TRIM23: variants seen among roughly 807,000 people sequenced by gnomAD.
The protein encoded by TRIM23 is tripartite motif containing 23.
Under a neutral mutation model 71.0 loss-of-function variants are expected in TRIM23, and 27 were observed. The ratio of observed to expected loss-of-function variants is 0.38; its 90% confidence interval spans 0.28 to 0.52. The LOEUF is 0.52. Among genes scored for constraint, TRIM23 ranks in the 20% least tolerant of loss-of-function variants. The pLI is 0.84. For missense variants in TRIM23, 482 were observed against 692.3 expected (o/e 0.70, Z 3.41); for synonymous variants, 234 against 238.0 (o/e 0.98, Z 0.16).
intron 9 of TRIM23, among the ~76,000 whole-genome samples, chr5:65,594,922 C>A (rs1039863985): frequency 2.6e-5 from 4 of 152,176 alleles, no homozygotes; most frequent in African/African-American, 9.7e-5. Flanking sequence ...TATCAAATAA[C>A]TTTTTACATA....
At chr5:65,600,770 G>C (rs1754341437) in intron 7 of TRIM23, among the ~76,000 whole-genome samples, 1 of 152,010 alleles carries the variant, frequency 6.6e-6, no homozygotes, top group Non-Finnish European at 1.5e-5. Flanking sequence ...TTAATATCCA[G>C]AATATACAAA....
intron 7 of TRIM23, among the ~76,000 whole-genome samples, chr5:65,598,877 A>G (rs1200076038): frequency 6.6e-6 from 1 of 152,234 alleles, no homozygotes; most frequent in Non-Finnish European, 1.5e-5. Flanking sequence ...GCACGTAATC[A>G]TCTCAATAGT....
intron 1 of TRIM23, among the ~76,000 whole-genome samples, chr5:65,620,766 G>A (rs949103100): frequency 5.5e-5 from 7 of 126,924 alleles, no homozygotes; most frequent in African/African-American, 2.1e-4. Context: ...TTTAAAAAGG[G>A]GAAAGTTTCA....
At position 65,624,148 on chromosome 5, in the gene TRIM23, C is replaced by T. The variant is rs543769255; in HGVS notation, c.81+46G>A. On this transcript the variant is annotated intron_variant, in intron 1 of 10. Transcript: ENST00000231524. Reference sequence around the variant, plus strand: ...ATGCCGCCAGGTCTCCAGGATGAACCGAAGGGAGGCCGATGGTGGAGAATA... The same window carrying T: ...ATGCCGCCAGGTCTCCAGGATGAACTGAAGGGAGGCCGATGGTGGAGAATA... 3.7e-5 allele frequency: 59 copies of T among 1,612,056 alleles called. 1 individual carries two copies. In the South Asian group the frequency reaches 5.8e-4, roughly 16 times the overall value.
Position 65,591,632 on chromosome 5 carries a change from A to G in TRIM23, c.*137T>C, listed in dbSNP as rs2150617681. ...TTTAAAGCAAAGTACTGAATTCCCA[A>G]TCCAAGATTCCTTTATATATATATA... is the stretch of plus-strand genomic sequence containing the variant. On this transcript the variant is annotated 3_prime_UTR_variant, in exon 11 of 11. Transcript: ENST00000231524. 1 of 995,280 alleles carries G rather than the reference A, an allele frequency of 1.0e-6. No individual in the cohort carries two copies. Among genetic ancestry groups the G allele is most frequent in the Admixed American group, 4.8e-5 (1 of 20,724 alleles). 61.7% of individuals were successfully genotyped at this position (995,280 alleles called of 1,614,324 possible). A position where few individuals can be genotyped will look rare whatever the true frequency, so the allele number is the denominator to read the frequency against.
chr5:65,611,529 C>T (rs887443847), intron 4 of TRIM23, 74 bp downstream of exon 4: 4 of 1,505,316 alleles, frequency 2.7e-6, no homozygotes, highest in Non-Finnish European at 3.6e-6. Context: ...AATAAAGAAC[C>T]AGGTCAGTGA....
chr5:65,598,692 G>A (rs1357341332), intron 7 of TRIM23, among the ~76,000 whole-genome samples: 2 of 151,622 alleles, frequency 1.3e-5, no homozygotes, highest in Admixed American at 6.6e-5. Flanking sequence ...AGAATGCAGT[G>A]AGCCGAGATC....
At position 65,590,217 on chromosome 5, in the gene TRIM23, AT is replaced by A; in HGVS notation, c.*1551del. On this transcript the variant is annotated 3_prime_UTR_variant, in exon 11 of 11. Transcript: ENST00000231524. ...AACACCTTTTTTATTTTTCACAGTT[AT>A]TGAAATCAGTCAAATATTAAATAAT... The A allele has an allele frequency of 1.1e-6, 1 of 919,254 alleles. No homozygotes were observed. Among genetic ancestry groups the A allele is most frequent in the Non-Finnish European group, 1.7e-6 (1 of 593,590 alleles). 56.9% of individuals were successfully genotyped at this position (919,254 alleles called of 1,614,324 possible). A position where few individuals can be genotyped will look rare whatever the true frequency, so the allele number is the denominator to read the frequency against.
At chr5:65,614,305 T>C (rs1754727746) in intron 2 of TRIM23, 86 bp from the exon 3 acceptor site, 2 of 1,242,474 alleles carry the variant, frequency 1.6e-6, no homozygotes, top group Middle Eastern at 2.0e-4. Flanking sequence ...ATTTCTAATA[T>C]AGTTCAGTAG....
intron 7 of TRIM23, among the ~76,000 whole-genome samples, chr5:65,598,988 A>G (rs1158721433): frequency 1.3e-5 from 2 of 152,228 alleles, no homozygotes; most frequent in East Asian, 3.8e-4. Context: ...TACACCATAT[A>G]AGAAATGCCC....
At chr5:65,609,595 T>C in intron 5 of TRIM23, 137 bp from the exon 6 acceptor site, 3 of 879,638 alleles carry the variant, frequency 3.4e-6, no homozygotes, top group Non-Finnish European at 5.1e-6. Context: ...CCAGCCGTGG[T>C]GGCATGTGCC....
At chr5:65,599,154 G>A in intron 7 of TRIM23, among the ~76,000 whole-genome samples, 1 of 149,668 alleles carries the variant, frequency 6.7e-6, no homozygotes, top group Non-Finnish European at 1.5e-5. Context: ...ACATGATCTT[G>A]TATGTAGAAA....
rs1753976332 is a variant in TRIM23, at chr5:65,590,043, G to C, written c.*1726C>G. Reference sequence around the variant, plus strand: ...TACCATTATACATACATTATAATCAGGCACAATTTTTCAACTGTGTTCAGT... The same window carrying C: ...TACCATTATACATACATTATAATCACGCACAATTTTTCAACTGTGTTCAGT... On this transcript the variant is annotated 3_prime_UTR_variant, in exon 11 of 11. Coordinates refer to ENST00000231524, the MANE Select transcript of TRIM23 (RefSeq NM_001656.4). 2 of 341,234 alleles carry C rather than the reference G, an allele frequency of 5.9e-6. No homozygotes were observed. The highest frequency in any genetic ancestry group is 1.1e-5 in the Non-Finnish European group (2 of 180,204). The allele number at this position is 341,234 out of a possible 1,614,324, so 21.1% of individuals were successfully genotyped here.
At chr5:65,600,518 T>C (rs1483463259) in intron 7 of TRIM23, among the ~76,000 whole-genome samples, 1 of 145,722 alleles carries the variant, frequency 6.9e-6, no homozygotes, top group Non-Finnish European at 1.5e-5. Flanking sequence ...AAAATGGCCA[T>C]AAACTTAAGA....
chr5:65,590,223 ATCAG>A lies in TRIM23; in HGVS notation c.*1542_*1545del. The A allele has an allele frequency of 2.1e-6, 2 of 946,534 alleles. No homozygotes were observed. The highest frequency in any genetic ancestry group is 2.2e-4 in the Middle Eastern group (1 of 4,526). 58.6% of individuals were successfully genotyped at this position (946,534 alleles called of 1,614,324 possible). ...TTTTTTATTTTTCACAGTTATTGAA[ATCAG>A]TCAAATATTAAATAATTTAATTCGG... is the stretch of plus-strand genomic sequence containing the variant. On this transcript the variant is annotated 3_prime_UTR_variant, in exon 11 of 11. Transcript: ENST00000231524.
At chr5:65,594,308 A>C (rs1219860716) in intron 10 of TRIM23, among the ~76,000 whole-genome samples, 1 of 152,168 alleles carries the variant, frequency 6.6e-6, no homozygotes, top group Non-Finnish European at 1.5e-5. Context: ...GTTCATATGC[A>C]TACACAGGAG....
Position 65,610,894 on chromosome 5 carries a change from C to T in TRIM23, c.795G>A (p.Val265=). 6.2e-7 allele frequency: 1 copy of T among 1,611,076 alleles called. No homozygotes were observed. The highest frequency in any genetic ancestry group is 1.3e-5 in the African/African-American group (1 of 74,858). Residue 265 remains valine, a synonymous_variant, in exon 5 of 11, where the codon GTG becomes GTA. Coordinates refer to ENST00000231524, the MANE Select transcript of TRIM23 (RefSeq NM_001656.4). ...TGTGAGCCATTCCAATTCCATCTTC[C>T]ACGATTTGTTCTCCTCCTTCAATGT... ...VQHIEGGEQI[V]EDGIGMAHTE...
chr5:65,611,082 T>G, intron 4 of TRIM23, 39 bp from the exon 5 acceptor site: 1 of 1,511,668 alleles, frequency 6.6e-7, no homozygotes, highest in Non-Finnish European at 8.9e-7. Context: ...GAACTCATAG[T>G]ATTGACTAAT....
rs1057028280 is a variant in TRIM23 at position 65,591,822 on chromosome 5, A to G, written c.1672T>C (p.Leu558=). 1 of 1,612,706 alleles carries G rather than the reference A, an allele frequency of 6.2e-7. No homozygotes were observed. ...ACAAGTTGCCGTGAGAGCCAGTCCA[A>G]CCCTTCATACAGTCCCATACCACTT... The part of the protein sequence containing the change: ...ARSGMGLYEG[L]DWLSRQLVAA... Residue 558 remains leucine (L), a synonymous_variant, in exon 11 of 11, where the codon TTG becomes CTG. Coordinates refer to ENST00000231524, the MANE Select transcript of TRIM23 (RefSeq NM_001656.4).
Sources: allele counts gnomAD v4.1 joint callset (sites outside exome capture counted in the v4.1 genomes callset), GRCh38; gene constraint gnomAD v4.1.1; transcripts MANE v1.5; gene names NCBI Gene and HGNC (gene_info 2026-07-23, HGNC 2026-07-21).